The following ATAD2B variants were observed in gnomAD, a reference collection of about 807,000 sequenced individuals.
ATAD2B encodes ATPase family AAA domain containing 2B.
ATAD2B carries 40 observed loss-of-function variants against 167.6 expected under a neutral mutation model. The observed-to-expected ratio is 0.24, with a 90% CI of 0.19 to 0.31. ATAD2B has a LOEUF of 0.31. Among genes scored for constraint, ATAD2B ranks in the 10% least tolerant of loss-of-function variants. ATAD2B has a pLI of 1.00. For missense variants in ATAD2B, 1,242 were observed against 1,757.2 expected, an observed-to-expected ratio of 0.71 and a Z score of 5.24; for synonymous variants, 579 against 596.5, an observed-to-expected ratio of 0.97 and a Z score of 0.43.
chr2:23,828,799 T>C (rs1434711538), intron 15 of ATAD2B, 50 bp downstream of exon 15: 3 of 1,192,076 alleles, frequency 2.5e-6, no homozygotes, highest in Admixed American at 1.8e-5. Flanking sequence ...GAAAGGGAGG[T>C]TGAGCAGAAC....
chr2:23,816,541 T>C (rs1367408907), intron 17 of ATAD2B, among the ~76,000 whole-genome samples: 2 of 152,152 alleles, frequency 1.3e-5, no homozygotes, highest in African/African-American at 4.8e-5. Context: ...TAACAACTTA[T>C]AGGAGGATAT....
At position 23,788,630 on chromosome 2, in the gene ATAD2B, T is replaced by A. The variant is rs1395584553; in HGVS notation, c.2658A>T (p.Arg886Ser). The A allele has an allele frequency of 6.3e-7, 1 of 1,595,920 alleles. No homozygotes were observed. The highest frequency in any genetic ancestry group is 8.6e-7 in the Non-Finnish European group (1 of 1,164,746). Reference sequence around the variant, plus strand: ...TATACAAGACCTCTTCATACTGTATTCTAAAGATACATTTAACCTACACAT... The same window carrying A: ...TATACAAGACCTCTTCATACTGTATACTAAAGATACATTTAACCTACACAT... ...ELPEEVKCIF[R>S]IQYEEVLYIQ... Residue 886 changes from arginine (R) to serine (S), a missense_variant, in exon 20 of 28, where the codon AGA becomes AGT. Coordinates refer to ENST00000238789, the MANE Select transcript of ATAD2B (RefSeq NM_017552.4).
rs917187183 is a variant in ATAD2B, at chr2:23,823,506, C to T, written c.1883G>A (p.Arg628His). The T allele has an allele frequency of 1.1e-5, 17 of 1,613,588 alleles. No individual in the cohort carries two copies. Among genetic ancestry groups the T allele is most frequent in the Non-Finnish European group, 1.4e-5 (16 of 1,179,902 alleles). ...TEAALIALRR[R>H]YPQIYASSHK... ...ACTGCTAGCATAGATCTGGGGATAA[C>T]GCCTCCGCAGTGCAATCAGGGCGGC... The change falls in exon 16 of 28, where the codon CGT becomes CAT. Residue 628 changes from arginine (R) to histidine (H), a missense_variant. Coordinates refer to ENST00000238789, the MANE Select transcript of ATAD2B (RefSeq NM_017552.4).
At chr2:23,886,658 G>C (rs918096527) in intron 4 of ATAD2B, among the ~76,000 whole-genome samples, 3 of 152,188 alleles carry the variant, frequency 2.0e-5, no homozygotes, top group Non-Finnish European at 4.4e-5. Context: ...TAGGCCGGGA[G>C]CGGTGGCTCA....
intron 1 of ATAD2B, among the ~76,000 whole-genome samples, chr2:23,919,762 G>C (rs1703625267): frequency 6.6e-6 from 1 of 150,714 alleles, no homozygotes; most frequent in South Asian, 2.1e-4. Flanking sequence ...AGAATCACTT[G>C]AACCCAGGAA....
intron 23 of ATAD2B, among the ~76,000 whole-genome samples, chr2:23,762,865 C>T (rs1391376211): frequency 6.6e-6 from 1 of 152,098 alleles, no homozygotes; most frequent in South Asian, 2.1e-4. Context: ...CTATGTGGTC[C>T]TTAAGTTGGT....
intron 24 of ATAD2B, 130 bp downstream of exon 24, chr2:23,762,079 C>T (rs1676814994): frequency 2.3e-6 from 2 of 885,120 alleles, no homozygotes; most frequent in Non-Finnish European, 3.2e-6. Flanking sequence ...ACAAGCTCTT[C>T]TTCACCTCTG....
In ATAD2B at chr2:23,754,708, A is replaced by T. The variant is rs749668896; in HGVS notation, c.4145T>A (p.Leu1382Gln). Residue 1382 changes from leucine (L) to glutamine (Q), a missense_variant, in exon 26 of 28, where the codon CTG becomes CAG. Transcript: ENST00000238789. ...AGGCTCAGATGGCTCTTCTGGAACCAGTTCCAGGCTTGTCGTTTTTGCCTG... is the reference window on the plus strand; with the variant it reads ...AGGCTCAGATGGCTCTTCTGGAACCTGTTCCAGGCTTGTCGTTTTTGCCTG... Reference protein sequence around the residue: ...LEQAKTTSLELVPEEPSEPVP... With the variant: ...LEQAKTTSLEQVPEEPSEPVP... 1 of 1,612,838 alleles carries T rather than the reference A, an allele frequency of 6.2e-7. No homozygotes were observed. Among genetic ancestry groups the T allele is most frequent in the East Asian group, 2.2e-5 (1 of 44,852 alleles).
the ATAD2B span, among the ~76,000 whole-genome samples, chr2:23,695,050 T>G: frequency 6.6e-6 from 1 of 151,932 alleles, no homozygotes; most frequent in Non-Finnish European, 1.5e-5. This position sits in a 1 kb window ranked among gnomAD's most constrained non-coding sequence, Gnocchi z 7.6. Flanking sequence ...GGAGGGGAGA[T>G]TCAAGGGAGC....
chr2:23,818,291 G>GA (rs1558592102), intron 17 of ATAD2B, among the ~76,000 whole-genome samples: 3 of 115,438 alleles, frequency 2.6e-5, no homozygotes, highest in South Asian at 2.9e-4. Context: ...AAGAGAGGGA[G>GA]GGGGGAGAGA....
intron 20 of ATAD2B, chr2:23,788,202 T>G (rs1433365114): frequency 3.8e-6 from 1 of 265,736 alleles, no homozygotes; most frequent in Non-Finnish European, 7.2e-6. Context: ...GGGTACTTAC[T>G]GTGACTAAAA....
At chr2:23,907,167 G>A (rs1701626699) in intron 1 of ATAD2B, among the ~76,000 whole-genome samples, 1 of 151,958 alleles carries the variant, frequency 6.6e-6, no homozygotes, top group Non-Finnish European at 1.5e-5. Flanking sequence ...AGGAAAAGAG[G>A]AAGTCAAATT....
chr2:23,913,940 C>CT (rs1702658565), intron 1 of ATAD2B, among the ~76,000 whole-genome samples: 1 of 151,996 alleles, frequency 6.6e-6, no homozygotes, highest in South Asian at 2.1e-4. Context: ...GCACTCAAGC[C>CT]TGGGTGACAG....
the ATAD2B span, among the ~76,000 whole-genome samples, chr2:23,680,112 CAG>C: frequency 6.6e-6 from 1 of 152,150 alleles, no homozygotes; most frequent in Admixed American, 6.5e-5. The surrounding 1 kb of genome is among the most constrained non-coding windows in gnomAD (Gnocchi z 4.1). Context: ...AGGCTGGAAA[CAG>C]GGAGACATCC....
At chr2:23,779,544 T>C (rs865898895) in intron 22 of ATAD2B, among the ~76,000 whole-genome samples, 1 of 152,176 alleles carries the variant, frequency 6.6e-6, no homozygotes, top group African/African-American at 2.4e-5. Flanking sequence ...TCTTAAAAGA[T>C]ATATATTCTT....
chr2:23,849,572 C>G lies in ATAD2B; in HGVS notation c.1568+7843G>C, dbSNP rs191622853. Among the ~76,000 whole-genome samples the G allele has an allele frequency of 9.2e-4, 140 of 152,330 alleles. 1 individual carries two copies. The highest frequency in any genetic ancestry group is 3.2e-3 in the African/African-American group (132 of 41,582). On this transcript the variant is annotated intron_variant, in intron 13 of 27. Transcript: ENST00000238789. ...AGAGGCCAGACACAGTGGCTCACGC[C>G]TGTAATCCCAGCACTGCCTGTCGAG...
intron 24 of ATAD2B, among the ~76,000 whole-genome samples, chr2:23,760,737 C>CATAT (rs1558494327): frequency 1.6e-5 from 2 of 126,674 alleles, no homozygotes; most frequent in Non-Finnish European, 3.4e-5. Context: ...CACATATACA[C>CATAT]ACACACACAC....
intron 22 of ATAD2B, among the ~76,000 whole-genome samples, chr2:23,782,647 G>A (rs1182364121): frequency 6.6e-6 from 1 of 152,100 alleles, no homozygotes; most frequent in Non-Finnish European, 1.5e-5. Flanking sequence ...AAAGTAGAAG[G>A]TAAATGAAGA....
chr2:23,782,791 C>T, intron 22 of ATAD2B, 78 bp downstream of exon 22: 2 of 1,246,036 alleles, frequency 1.6e-6, no homozygotes, highest in Non-Finnish European at 2.3e-6. Context: ...ATCTAGAACA[C>T]AGGCATGACT....
Sources: gnomAD v4.1 joint callset for allele counts (sites outside exome capture counted in the v4.1 genomes callset) on GRCh38, gnomAD v4.1.1 for gene constraint, Gnocchi (gnomAD v3.1) non-coding constraint, MANE v1.5 for transcripts, NCBI Gene and HGNC (gene_info 2026-07-23, HGNC 2026-07-21) for gene names.